ARHGAP20: variants seen among roughly 807,000 people sequenced by gnomAD.
ARHGAP20 encodes the protein Rho GTPase activating protein 20.
In ARHGAP20, 34 loss-of-function variants were observed where a neutral mutation model predicts 73.7. The ratio of observed to expected loss-of-function variants is 0.46; its 90% CI spans 0.35 to 0.61. ARHGAP20 has a LOEUF of 0.61. Among genes scored for constraint, ARHGAP20 ranks in the 20% least tolerant of loss-of-function variants. The probability of loss-of-function intolerance (pLI) is 0.00; values close to 1 mark genes in which losing one functional copy is unlikely to be tolerated. For missense variants in ARHGAP20, 1,314 were observed against 1,420.9 expected (o/e 0.92, Z 1.21); for synonymous variants, 523 against 518.2 (o/e 1.01, Z -0.13).
At chr11:110,710,738 C>A (rs1177424926) in intron 1 of ARHGAP20, among the ~76,000 whole-genome samples, 2 of 152,170 alleles carry the variant, frequency 1.3e-5, no homozygotes, top group Non-Finnish European at 2.9e-5. Context: ...CTCCGTGACA[C>A]GGTCAAGGTC....
intron 9 of ARHGAP20, among the ~76,000 whole-genome samples, chr11:110,604,883 T>C (rs1948188040): frequency 6.6e-6 from 1 of 152,082 alleles, no homozygotes; most frequent in African/African-American, 2.4e-5. Flanking sequence ...TGGCTGTGCA[T>C]GTGGGTGGAA....
intron 1 of ARHGAP20, among the ~76,000 whole-genome samples, chr11:110,697,024 T>C (rs1950349274): frequency 6.6e-6 from 1 of 151,666 alleles, no homozygotes; most frequent in African/African-American, 2.4e-5. Flanking sequence ...AGTAGTGCTA[T>C]GATGAACATA....
chr11:110,712,224 G>A lies in ARHGAP20; in HGVS notation c.8C>T (p.Ala3Val), dbSNP rs1950681523. The change falls in exon 1 of 15, where the codon GCG becomes GTG. Residue 3 changes from alanine to valine, a missense_variant. Transcript: ENST00000683387. The stretch of plus-strand genomic sequence containing the variant: ...TAGAGTCTCCTGCTGGGGGGACATC[G>A]CTTCCATGAAGAAAATCTTCAAACA... Reference protein sequence around the residue: MEAMSPQQETLGG... With the variant: MEVMSPQQETLGG... The A allele has an allele frequency of 7.4e-7, 1 of 1,354,692 alleles. No individual in the cohort carries two copies. The highest frequency in any genetic ancestry group is 1.5e-5 in the African/African-American group (1 of 66,776). 83.9% of individuals were successfully genotyped at this position (1,354,692 alleles called of 1,614,324 possible). A position where few individuals can be genotyped will look rare whatever the true frequency, so the allele number is the denominator to read the frequency against.
At chr11:110,625,528 TAAAAGTAAA>T (rs1445671641) in intron 3 of ARHGAP20, among the ~76,000 whole-genome samples, 1 of 152,058 alleles carries the variant, frequency 6.6e-6, no homozygotes, top group Non-Finnish European at 1.5e-5. Context: ...ATATTCTGGT[TAAAAGTAAA>T]AATGTGCAGT....
intron 2 of ARHGAP20, among the ~76,000 whole-genome samples, chr11:110,668,217 G>A (rs1949761791): frequency 2.0e-5 from 3 of 151,974 alleles, no homozygotes; most frequent in South Asian, 2.1e-4. Flanking sequence ...ACCAACCTTC[G>A]GCAACCACCA....
chr11:110,642,270 G>A (rs916899418), intron 2 of ARHGAP20, among the ~76,000 whole-genome samples: 7 of 151,986 alleles, frequency 4.6e-5, no homozygotes, highest in African/African-American at 1.7e-4. Flanking sequence ...ATATTTGGAT[G>A]CCTTTTATTT....
At chr11:110,690,762 T>C (rs1950227644) in intron 1 of ARHGAP20, 133 bp from the exon 2 acceptor site, 2 of 929,952 alleles carry the variant, frequency 2.2e-6, no homozygotes, top group Non-Finnish European at 1.6e-6. Flanking sequence ...AGTTTCATTA[T>C]GGAGATAAAA....
At position 110,579,803 on chromosome 11, in the gene ARHGAP20, C is replaced by T; in HGVS notation, c.3143G>A (p.Trp1048Ter). ...TGCCTTTGCTTTCTTTTTGAGGGACCAGTTTTTCAAACTGGCCACACCATT... is the reference window on the plus strand; with the variant it reads ...TGCCTTTGCTTTCTTTTTGAGGGACTAGTTTTTCAAACTGGCCACACCATT... ...LRNGVASLKN[W>*]SLKKKAKAAR... Residue 1048 changes from tryptophan to a stop codon, truncating the protein, a stop_gained, in exon 15 of 15, where the codon TGG becomes TAG. Coordinates refer to ENST00000683387, the MANE Select transcript of ARHGAP20 (RefSeq NM_001384657.1). LOFTEE classifies it low-confidence loss of function (END_TRUNC). 6.2e-7 allele frequency: 1 copy of T among 1,614,052 alleles called. No individual in the cohort carries two copies. Among genetic ancestry groups the T allele is most frequent in the Non-Finnish European group, 8.5e-7 (1 of 1,180,020 alleles).
In ARHGAP20 at chr11:110,586,284, A is replaced by G. The variant is rs985682090; in HGVS notation, c.1347T>C (p.Asp449=). 2 of 1,576,404 alleles carry G rather than the reference A, an allele frequency of 1.3e-6. No individual in the cohort carries two copies. Residue 449 remains aspartate, a synonymous_variant, in exon 12 of 15, where the codon GAT becomes GAC. Transcript: ENST00000683387. ...RNIPGSIFSS[D]LYDHWVSVMD... ...TTACAGAGACCCAGTGATCATAGAG[A>G]TCTGATGAAAAAATACTTCCTGGAA...
chr11:110,702,958 C>T (rs45439696), intron 1 of ARHGAP20, among the ~76,000 whole-genome samples: 26,604 of 152,080 alleles, frequency 0.17, 2,342 homozygotes, highest in South Asian at 0.31. Flanking sequence ...GGCCATACTG[C>T]CCAAGGTAAT....
At chr11:110,711,005 CAAAAA>C (rs11461759) in intron 1 of ARHGAP20, among the ~76,000 whole-genome samples, 1 of 82,550 alleles carries the variant, frequency 1.2e-5, no homozygotes, top group Non-Finnish European at 2.6e-5. Context: ...TAAGACAAGG[CAAAAA>C]AAAAAAAAAA....
intron 2 of ARHGAP20, among the ~76,000 whole-genome samples, chr11:110,689,324 TTAAA>T (rs1461285466): frequency 1.3e-5 from 2 of 152,030 alleles, no homozygotes; most frequent in Non-Finnish European, 2.9e-5. Flanking sequence ...TATCCTTGCT[TTAAA>T]TAAAGTTGGT....
chr11:110,585,098 T>TATGAATAC (rs1947623721), intron 12 of ARHGAP20, among the ~76,000 whole-genome samples: 1 of 149,930 alleles, frequency 6.7e-6, no homozygotes, highest in African/African-American at 2.4e-5. Flanking sequence ...TATGTGAATA[T>TATGAATAC]ATGAATATAT....
chr11:110,711,112 G>C (rs1216341516), intron 1 of ARHGAP20, among the ~76,000 whole-genome samples: 1 of 152,028 alleles, frequency 6.6e-6, no homozygotes, highest in Non-Finnish European at 1.5e-5. Flanking sequence ...CAATTCCTCA[G>C]GGAGCGAAAC....
At chr11:110,647,821 C>T (rs987677513) in intron 2 of ARHGAP20, among the ~76,000 whole-genome samples, 1 of 151,978 alleles carries the variant, frequency 6.6e-6, no homozygotes, top group South Asian at 2.1e-4. Context: ...CTATTCATAA[C>T]TAGAATAGGC....
At chr11:110,676,288 C>T (rs767440461) in intron 2 of ARHGAP20, among the ~76,000 whole-genome samples, 2 of 152,118 alleles carry the variant, frequency 1.3e-5, no homozygotes, top group Non-Finnish European at 2.9e-5. Flanking sequence ...TTGTTTTAGT[C>T]TGTTCTCATG....
In ARHGAP20 at chr11:110,686,127, T is replaced by C. The variant is rs150272616; in HGVS notation, c.188+4420A>G. Among the ~76,000 whole-genome samples, 421 of 152,282 alleles carry C rather than the reference T, an allele frequency of 2.8e-3. 5 individuals carry two copies. Among genetic ancestry groups the C allele is most frequent in the Admixed American group, 0.023 (356 of 15,288 alleles). ...AATATTACTATTTAGTTTTATACTATAAAATTTATTTAAGTTTTAACTATA... is the reference window on the plus strand; with the variant it reads ...AATATTACTATTTAGTTTTATACTACAAAATTTATTTAAGTTTTAACTATA... On this transcript the variant is annotated intron_variant, in intron 2 of 14. Coordinates refer to ENST00000683387, the MANE Select transcript of ARHGAP20 (RefSeq NM_001384657.1).
chr11:110,710,434 G>GT (rs1950625161), intron 1 of ARHGAP20, among the ~76,000 whole-genome samples: 1 of 138,848 alleles, frequency 7.2e-6, no homozygotes, highest in South Asian at 2.5e-4. Flanking sequence ...TATACCCTTA[G>GT]TAAAAAAAAA....
intron 1 of ARHGAP20, among the ~76,000 whole-genome samples, chr11:110,703,369 C>A (rs975458427): frequency 2.0e-5 from 3 of 152,046 alleles, no homozygotes; most frequent in Non-Finnish European, 4.4e-5. Flanking sequence ...GGCTAGGAGA[C>A]ATTGGACCTT....
Sources: allele counts gnomAD v4.1 joint callset (sites outside exome capture counted in the v4.1 genomes callset), GRCh38; gene constraint gnomAD v4.1.1; transcripts MANE v1.5; gene names NCBI Gene and HGNC (gene_info 2026-07-23, HGNC 2026-07-21).